LCOR: variants seen among roughly 807,000 people sequenced by gnomAD.
LCOR encodes ligand dependent nuclear receptor corepressor.
A neutral mutation model predicts 64.4 loss-of-function variants in LCOR; 14 were observed. The observed-to-expected ratio is 0.22, with a 90% CI of 0.14 to 0.34. LCOR has a LOEUF of 0.34. Ranked by LOEUF, LCOR falls within the 10% of genes least tolerant of loss-of-function variation. The probability of loss-of-function intolerance (pLI) is 1.00; values close to 1 mark genes in which losing one functional copy is unlikely to be tolerated. For synonymous variants in LCOR, 643 were observed against 642.5 expected, an observed-to-expected ratio of 1.00 and a Z score of -0.01; for missense variants, 1,686 against 1,765.3, an observed-to-expected ratio of 0.96 and a Z score of 0.80.
At chr10:96,836,095 A>G (rs1330095611) in intron 2 of LCOR, among the ~76,000 whole-genome samples, 1 of 152,246 alleles carries the variant, frequency 6.6e-6, no homozygotes, top group South Asian at 2.1e-4. Flanking sequence ...GGCTAAAAAT[A>G]GGACAGCAGA....
At chr10:96,900,961 GGGC>G (rs1271652037) in intron 2 of LCOR, among the ~76,000 whole-genome samples, 2 of 151,202 alleles carry the variant, frequency 1.3e-5, no homozygotes, top group African/African-American at 4.9e-5. Flanking sequence ...AGGCCAAGGC[GGGC>G]GGATCACGAG....
At chr10:96,921,480 G>T (rs1007119874) in intron 4 of LCOR, among the ~76,000 whole-genome samples, 6 of 151,850 alleles carry the variant, frequency 4.0e-5, no homozygotes, top group Non-Finnish European at 8.8e-5. Context: ...TTATTTTTTG[G>T]AGACGGAGTT....
chr10:96,927,162 C>G (rs1026701802), intron 4 of LCOR, among the ~76,000 whole-genome samples: 3 of 152,144 alleles, frequency 2.0e-5, no homozygotes, highest in African/African-American at 7.2e-5. Context: ...TGTTCCTCGT[C>G]TTACCAACAT....
chr10:96,995,354 A>G lies in LCOR; in HGVS notation c.*10220A>G, dbSNP rs1272740945. On this transcript the variant is annotated 3_prime_UTR_variant, in exon 8 of 8. Coordinates refer to ENST00000421806, the MANE Select transcript of LCOR (RefSeq NM_001346516.2). This position sits in a 1 kb window ranked among gnomAD's most constrained non-coding sequence, Gnocchi z 4.2. ...AGCGTGTGCTCCTGGCCTGTGTGAC[A>G]GTGTCTTTCCCGAAGCAGTGAAATG... is the stretch of plus-strand genomic sequence containing the variant. 3 of 152,222 alleles carry G rather than the reference A, an allele frequency of 2.0e-5. No individual in the cohort carries two copies. Among genetic ancestry groups the G allele is most frequent in the Non-Finnish European group, 2.9e-5 (2 of 68,062 alleles). The allele number at this position is 152,222 out of a possible 1,614,324, so 9.4% of individuals were successfully genotyped here.
chr10:96,936,971 T>C (rs977692361), intron 4 of LCOR, among the ~76,000 whole-genome samples: 3 of 152,224 alleles, frequency 2.0e-5, no homozygotes, highest in African/African-American at 7.2e-5. Flanking sequence ...TTCTCTCTCT[T>C]TTCTCAAAAT....
chr10:96,956,003 A>G, intron 7 of LCOR: 1 of 1,519,282 alleles, frequency 6.6e-7, no homozygotes, highest in Non-Finnish European at 8.8e-7. Context: ...CTTGCACGTA[A>G]TTTCATTTAC....
intron 2 of LCOR, among the ~76,000 whole-genome samples, chr10:96,874,394 T>C (rs1049692265): frequency 2.0e-5 from 3 of 152,222 alleles, no homozygotes; most frequent in African/African-American, 7.2e-5. Flanking sequence ...CAGGATAAAA[T>C]CCAGACTCTA....
At chr10:96,965,113 A>G (rs1038809638) in intron 7 of LCOR, among the ~76,000 whole-genome samples, 2 of 151,232 alleles carry the variant, frequency 1.3e-5, no homozygotes, top group Non-Finnish European at 2.9e-5. Context: ...GGTTCACACC[A>G]TTCTCCTGCC....
chr10:96,889,314 C>T (rs1279007103), intron 2 of LCOR, among the ~76,000 whole-genome samples: 1 of 152,170 alleles, frequency 6.6e-6, no homozygotes, highest in East Asian at 1.9e-4. Context: ...AGTATTCATT[C>T]ATGTTGTCAG....
chr10:96,970,916 G>A (rs1847994129), intron 7 of LCOR, among the ~76,000 whole-genome samples: 1 of 152,018 alleles, frequency 6.6e-6, no homozygotes, highest in African/African-American at 2.4e-5. Context: ...ACCACGCACA[G>A]CTCTAGCCAG....
chr10:96,955,838 G>C, intron 7 of LCOR: 1 of 1,614,170 alleles, frequency 6.2e-7, no homozygotes, highest in Non-Finnish European at 8.5e-7. Flanking sequence ...TAATGAGGTC[G>C]GAGGGGCCAG....
At chr10:96,855,987 G>A (rs1339402671) in intron 2 of LCOR, among the ~76,000 whole-genome samples, 2 of 148,616 alleles carry the variant, frequency 1.3e-5, no homozygotes, top group African/African-American at 5.0e-5. Flanking sequence ...CAGGTGATCC[G>A]CCTGCCTCAG....
Position 96,990,698 on chromosome 10 carries a change from A to G in LCOR, c.*5564A>G, listed in dbSNP as rs1848192482. The stretch of plus-strand genomic sequence containing the variant: ...TCCTTGCTCAGGCTTTTGCCTTGGG[A>G]TTGAACCGAAGCTGCTCAGTTCCTT... On this transcript the variant is annotated 3_prime_UTR_variant, in exon 8 of 8. Transcript: ENST00000421806. 6.6e-6 allele frequency: 1 copy of G among 152,328 alleles called. No homozygotes were observed. The highest frequency in any genetic ancestry group is 1.5e-5 in the Non-Finnish European group (1 of 68,226). The allele number at this position is 152,328 out of a possible 1,614,324, so 9.4% of individuals were successfully genotyped here. A position where few individuals can be genotyped will look rare whatever the true frequency, so the allele number is the denominator to read the frequency against.
chr10:96,872,714 C>T (rs1206214001), intron 2 of LCOR, among the ~76,000 whole-genome samples: 2 of 151,992 alleles, frequency 1.3e-5, no homozygotes, highest in Non-Finnish European at 2.9e-5. Context: ...AAGGAGGATG[C>T]TACATTAAGA....
intron 2 of LCOR, among the ~76,000 whole-genome samples, chr10:96,839,370 T>G (rs894202801): frequency 6.6e-6 from 1 of 152,154 alleles, no homozygotes; most frequent in Admixed American, 6.6e-5. Context: ...CAGGATACCT[T>G]ATGAAGAGAA....
Position 96,891,530 on chromosome 10 carries a change from C to CTTTT in LCOR, c.-329-15704_-329-15701dup, listed in dbSNP as rs71007307. On this transcript the variant is annotated intron_variant, in intron 2 of 7. Transcript: ENST00000421806. ...GACAGGGTCTTACTCTGTCTTGACT[C>CTTTT]TTTTTTTTTTTTTTTTTTTTTTTTT... Among the ~76,000 whole-genome samples, 3 of 7,644 alleles carry CTTTT rather than the reference C, an allele frequency of 3.9e-4. 1 individual carries two copies. The highest frequency in any genetic ancestry group is 0.013 in the East Asian group (2 of 150). The allele number at this position is 7,644 out of a possible 152,430, so 5.0% of individuals were successfully genotyped here. A position where few individuals can be genotyped will look rare whatever the true frequency, so the allele number is the denominator to read the frequency against.
chr10:96,992,501 C>G lies in LCOR; in HGVS notation c.*7367C>G, dbSNP rs1211079390. The G allele has an allele frequency of 6.6e-6, 1 of 152,286 alleles. No individual in the cohort carries two copies. Among genetic ancestry groups the G allele is most frequent in the African/African-American group, 2.4e-5 (1 of 41,466 alleles). 9.4% of individuals were successfully genotyped at this position (152,286 alleles called of 1,614,324 possible). ...GGACAGATGCAACAGAAGCACGTCTCCCCCACTGTCACCCCATCCCACAAC... is the reference window on the plus strand; with the variant it reads ...GGACAGATGCAACAGAAGCACGTCTGCCCCACTGTCACCCCATCCCACAAC... On this transcript the variant is annotated 3_prime_UTR_variant, in exon 8 of 8. Transcript: ENST00000421806.
chr10:96,980,547 C>T (rs1400225344), intron 7 of LCOR, among the ~76,000 whole-genome samples: 2 of 151,910 alleles, frequency 1.3e-5, no homozygotes, highest in African/African-American at 2.4e-5. Flanking sequence ...AAGTACCCAC[C>T]CTCTTTATAA....
chr10:96,868,163 C>T (rs1434313677), intron 2 of LCOR, among the ~76,000 whole-genome samples: 3 of 151,820 alleles, frequency 2.0e-5, no homozygotes, highest in Non-Finnish European at 4.4e-5. Flanking sequence ...GGATTACAGG[C>T]GTGAGCCACC....
Sources: allele counts gnomAD v4.1 joint callset (sites outside exome capture counted in the v4.1 genomes callset), GRCh38; gene constraint gnomAD v4.1.1; non-coding constraint Gnocchi (gnomAD v3.1); transcripts MANE v1.5; gene names NCBI Gene and HGNC (gene_info 2026-07-23, HGNC 2026-07-21).